Variants in CNTN1 observed in about 807,000 individuals in gnomAD.
CNTN1 encodes contactin-1.
A neutral mutation model predicts 126.4 loss-of-function variants in CNTN1; 38 were observed. The ratio of observed to expected loss-of-function variants is 0.30; its 90% CI spans 0.23 to 0.39. CNTN1 has a LOEUF of 0.39. Among genes scored for constraint, CNTN1 ranks in the 10% least tolerant of loss-of-function variants. CNTN1 has a pLI of 1.00. For synonymous variants in CNTN1, 413 were observed against 422.6 expected, an observed-to-expected ratio of 0.98 and a Z score of 0.28; for missense variants, 1,009 against 1,248.4, an observed-to-expected ratio of 0.81 and a Z score of 2.89.
intron 14 of CNTN1, among the ~76,000 whole-genome samples, chr12:40,945,087 A>C (rs1946388085): frequency 6.6e-6 from 1 of 152,068 alleles, no homozygotes; most frequent in Admixed American, 6.6e-5. Context: ...GCTTTAGAAG[A>C]GTTGTAATTT....
chr12:40,908,413 G>C lies in CNTN1; in HGVS notation c.-20G>C, dbSNP rs370511600. 2.5e-6 allele frequency: 4 copies of C among 1,610,068 alleles called. No individual in the cohort carries two copies. The highest frequency in any genetic ancestry group is 3.4e-6 in the Non-Finnish European group (4 of 1,177,364). On this transcript the variant is annotated 5_prime_UTR_variant, in exon 2 of 24. Transcript: ENST00000551295. Reference sequence around the variant, plus strand: ...AAATTCTTTTTTGGAAAATTGAACCGAACTTCTACTGAATACAAGATGAAA... The same window carrying C: ...AAATTCTTTTTTGGAAAATTGAACCCAACTTCTACTGAATACAAGATGAAA...
intron 6 of CNTN1, among the ~76,000 whole-genome samples, chr12:40,927,848 C>T (rs1046744997): frequency 6.6e-6 from 1 of 152,022 alleles, no homozygotes; most frequent in Admixed American, 6.6e-5. Context: ...ACAATAACTT[C>T]TCGGATTTAG....
chr12:40,874,787 C>A lies in CNTN1; in HGVS notation c.-76-33570C>A, dbSNP rs1326951692. 1.3e-5 allele frequency among the ~76,000 whole-genome samples: 2 copies of A among 152,068 alleles called. 1 individual carries two copies. Among genetic ancestry groups the A allele is most frequent in the African/African-American group, 4.8e-5 (2 of 41,410 alleles). ...TATACTATTTCATAAACTGCTATAG[C>A]ATAATAAATGATGATAAAAATAATA... On this transcript the variant is annotated intron_variant, in intron 1 of 23. Coordinates refer to ENST00000551295, the MANE Select transcript of CNTN1 (RefSeq NM_001843.4).
chr12:40,845,479 G>A (rs1942464026), intron 1 of CNTN1, among the ~76,000 whole-genome samples: 1 of 152,070 alleles, frequency 6.6e-6, no homozygotes, highest in Non-Finnish European at 1.5e-5. Context: ...TGACAGAACA[G>A]AGTACCAAGT....
At chr12:40,910,243 T>A (rs1335770883) in intron 3 of CNTN1, 138 bp downstream of exon 3, 3 of 647,764 alleles carry the variant, frequency 4.6e-6, no homozygotes, top group Non-Finnish European at 8.3e-6. Context: ...TGTAAGGTGG[T>A]CTTTCTGAGA....
At chr12:40,739,505 A>T (rs1239310874) in intron 1 of CNTN1, among the ~76,000 whole-genome samples, 1 of 152,230 alleles carries the variant, frequency 6.6e-6, no homozygotes, top group East Asian at 1.9e-4. Flanking sequence ...TTCAAATTGT[A>T]TATCATATGA....
At chr12:40,696,895 G>T (rs1436946757) in intron 1 of CNTN1, among the ~76,000 whole-genome samples, 1 of 151,958 alleles carries the variant, frequency 6.6e-6, no homozygotes, top group Non-Finnish European at 1.5e-5. Context: ...ATATAAATAG[G>T]TATTTTTCAA....
intron 14 of CNTN1, among the ~76,000 whole-genome samples, chr12:40,955,956 C>T (rs2136995679): frequency 6.6e-6 from 1 of 152,154 alleles, no homozygotes; most frequent in Admixed American, 6.6e-5. Context: ...ACCCTATTCA[C>T]TGTGGCTGGG....
chr12:40,774,598 T>C (rs1210920944), intron 1 of CNTN1, among the ~76,000 whole-genome samples: 2 of 151,734 alleles, frequency 1.3e-5, no homozygotes, highest in African/African-American at 4.8e-5. Context: ...CTCAATGTGA[T>C]AAAGTCTGCT....
intron 1 of CNTN1, among the ~76,000 whole-genome samples, chr12:40,780,730 T>G (rs1444574253): frequency 6.8e-6 from 1 of 147,022 alleles, no homozygotes; most frequent in East Asian, 2.0e-4. Flanking sequence ...AAGGTTCATC[T>G]CAAAAATCCA....
chr12:40,982,528 A>G (rs1419717892), intron 16 of CNTN1, among the ~76,000 whole-genome samples: 2 of 152,302 alleles, frequency 1.3e-5, no homozygotes, highest in East Asian at 3.9e-4. Flanking sequence ...TAAAATATCC[A>G]CTAGAAAGTA....
chr12:40,796,811 G>T (rs1480079098), intron 1 of CNTN1, among the ~76,000 whole-genome samples: 3 of 152,038 alleles, frequency 2.0e-5, no homozygotes, highest in African/African-American at 7.2e-5. Context: ...AGACCAAAAA[G>T]GTCAGGACTG....
At chr12:40,964,326 G>A (rs1408133019) in intron 15 of CNTN1, among the ~76,000 whole-genome samples, 1 of 152,014 alleles carries the variant, frequency 6.6e-6, no homozygotes, top group Non-Finnish European at 1.5e-5. Flanking sequence ...TTTTGGCCTG[G>A]TTCTCAACTC....
At chr12:41,027,034 G>T (rs1949051528) in intron 21 of CNTN1, among the ~76,000 whole-genome samples, 1 of 152,026 alleles carries the variant, frequency 6.6e-6, no homozygotes, top group Admixed American at 6.6e-5. Context: ...GAAACTAGGG[G>T]GTTGGTTGTG....
intron 1 of CNTN1, among the ~76,000 whole-genome samples, chr12:40,737,534 G>A (rs559238122): frequency 1.6e-4 from 24 of 151,734 alleles, no homozygotes; most frequent in Non-Finnish European, 3.4e-4. Flanking sequence ...GGAGAAAGAC[G>A]TAGGCTGGGA....
chr12:40,836,996 T>C (rs1299826677), intron 1 of CNTN1, among the ~76,000 whole-genome samples: 4 of 152,232 alleles, frequency 2.6e-5, no homozygotes. Context: ...TTGCAGAAAT[T>C]TTAAATGTCA....
chr12:41,044,507 G>A (rs956231493), intron 23 of CNTN1, among the ~76,000 whole-genome samples: 12 of 152,054 alleles, frequency 7.9e-5, no homozygotes, highest in Non-Finnish European at 1.6e-4. Context: ...AATTGTAAAT[G>A]TTTTTGTTTT....
chr12:40,933,592 T>C, intron 8 of CNTN1, 32 bp downstream of exon 8: 1 of 1,518,846 alleles, frequency 6.6e-7, no homozygotes, highest in Non-Finnish European at 9.1e-7. Flanking sequence ...TTAATATATA[T>C]AGAAATAGTA....
At chr12:40,809,760 G>A (rs1298457819) in intron 1 of CNTN1, among the ~76,000 whole-genome samples, 2 of 151,678 alleles carry the variant, frequency 1.3e-5, no homozygotes, top group Non-Finnish European at 2.9e-5. Flanking sequence ...AGGTTGCAGT[G>A]AGCCGAGATT....
Sources: gnomAD v4.1 joint callset for allele counts (sites outside exome capture counted in the v4.1 genomes callset) on GRCh38, gnomAD v4.1.1 for gene constraint, MANE v1.5 for transcripts, NCBI Gene and HGNC (gene_info 2026-07-23, HGNC 2026-07-21) for gene names.